ZNF737: variants seen among roughly 807,000 people sequenced by gnomAD.
ZNF737 encodes the protein zinc finger protein 737.
Under a neutral mutation model 11.7 loss-of-function variants are expected in ZNF737, and 13 were observed. That is an observed-to-expected ratio of 1.11 (90% CI 0.73 to 1.77). The LOEUF is 1.77. Ranked by LOEUF, ZNF737 falls within the 40% of genes most tolerant of loss-of-function variation. ZNF737 has a pLI of 0.00. For missense variants in ZNF737, 636 were observed against 638.0 expected (o/e 1.00, Z 0.03); for synonymous variants, 217 against 216.2 (o/e 1.00, Z -0.03).
rs59511067 is a variant in ZNF737, at chr19:20,563,486, CTTTT to C, written c.3+2148_3+2151del. On this transcript the variant is annotated intron_variant, in intron 1 of 3. Transcript: ENST00000427401. Reference sequence around the variant, plus strand: ...TGTTTACATAAGAAGGAAGTGCTTACTTTTTTTTTTTTTTTTTTTGAGACGGAGT... The same window carrying C: ...TGTTTACATAAGAAGGAAGTGCTTACTTTTTTTTTTTTTTTGAGACGGAGT... 1.6e-3 allele frequency among the ~76,000 whole-genome samples: 195 copies of C among 123,660 alleles called. 2 individuals are homozygous for C. In the East Asian group the frequency reaches 0.018, roughly 11 times the overall value. 81.1% of individuals were successfully genotyped at this position (123,660 alleles called of 152,430 possible). A position where few individuals can be genotyped will look rare whatever the true frequency, so the allele number is the denominator to read the frequency against.
rs1193654469 is a variant in ZNF737 at position 20,545,313 on chromosome 19, G to C, written c.890C>G (p.Ser297Cys). 21 of 1,611,720 alleles carry C rather than the reference G, an allele frequency of 1.3e-5. No homozygotes were observed. Among genetic ancestry groups the C allele is most frequent in the Non-Finnish European group, 1.8e-5 (21 of 1,179,300 alleles). Residue 297 changes from serine to cysteine, a missense_variant, in exon 4 of 4, where the codon TCC (serine) becomes TGC (cysteine). Transcript: ENST00000427401. ...TATCTTATGCGCAGTAAGGATAGAG[G>C]AGCGCTTAAAGGCCTTGCCACATTC... ...CEECGKAFKR[S>C]SILTAHKIIH... is the part of the protein sequence containing the mutation.
At position 20,543,622 on chromosome 19, in the gene ZNF737, G is replaced by A. The variant is rs529149655; in HGVS notation, c.*970C>T. ...AAGTTTTGCCACATTCTTCACACTTGTAGGAGTTTTGCCAGTATGAATTAT... is the reference window on the plus strand; with the variant it reads ...AAGTTTTGCCACATTCTTCACACTTATAGGAGTTTTGCCAGTATGAATTAT... On this transcript the variant is annotated 3_prime_UTR_variant, in exon 4 of 4. Coordinates refer to ENST00000427401, the MANE Select transcript of ZNF737 (RefSeq NM_001159293.2). 2.0e-6 allele frequency: 2 copies of A among 985,396 alleles called. No homozygotes were observed. Among genetic ancestry groups the A allele is most frequent in the Non-Finnish European group, 2.4e-6 (2 of 829,950 alleles). The allele number at this position is 985,396 out of a possible 1,614,324, so 61.0% of individuals were successfully genotyped here.
chr19:20,540,051 T>G lies in ZNF737; in HGVS notation c.*4541A>C, dbSNP rs1258683571. The G allele has an allele frequency of 2.9e-5, 29 of 985,262 alleles. No homozygotes were observed. The highest frequency in any genetic ancestry group is 1.4e-4 in the African/African-American group (8 of 57,220). The allele number at this position is 985,262 out of a possible 1,614,324, so 61.0% of individuals were successfully genotyped here. ...GTGATTATTTCTTGAATGAATGAGA[T>G]TCCCTTTTTTTTCCCTCTGCCATAG... On this transcript the variant is annotated 3_prime_UTR_variant, in exon 4 of 4. Transcript: ENST00000427401.
chr19:20,555,440 C>A (rs1394797710), intron 1 of ZNF737, among the ~76,000 whole-genome samples: 8 of 152,218 alleles, frequency 5.3e-5, no homozygotes, highest in Admixed American at 2.0e-4. Flanking sequence ...CTTCAGCCTC[C>A]CAAAGTGCTG....
rs1968104244 is a variant in ZNF737 at position 20,539,285 on chromosome 19, TTCTAAA to T, written c.*5301_*5306del. 47 of 949,726 alleles carry T rather than the reference TTCTAAA, an allele frequency of 4.9e-5. No homozygotes were observed. The South Asian group carries it at 2.1e-3, about 42-fold the overall frequency. 58.8% of individuals were successfully genotyped at this position (949,726 alleles called of 1,614,324 possible). A position where few individuals can be genotyped will look rare whatever the true frequency, so the allele number is the denominator to read the frequency against. On this transcript the variant is annotated 3_prime_UTR_variant, in exon 4 of 4. Coordinates refer to ENST00000427401, the MANE Select transcript of ZNF737 (RefSeq NM_001159293.2). ...AGCGTGAGTGACAGAGTGAGAATCCTTCTAAAAAAAAAAAAAAGAAATTCTTTCTTC... is the reference window on the plus strand; with the variant it reads ...AGCGTGAGTGACAGAGTGAGAATCCTAAAAAAAAAAAGAAATTCTTTCTTC...
downstream of ZNF737, among the ~76,000 whole-genome samples, chr19:20,535,411 G>T (rs1967933527): frequency 6.6e-6 from 1 of 151,912 alleles, no homozygotes; most frequent in African/African-American, 2.4e-5. Flanking sequence ...TATACACAAT[G>T]AAATGCTATT....
At chr19:20,536,890 C>T (rs1967987716), downstream of ZNF737, among the ~76,000 whole-genome samples, 1 of 152,116 alleles carries the variant, frequency 6.6e-6, no homozygotes, top group Admixed American at 6.6e-5. Flanking sequence ...TTGCAGTGAG[C>T]CAGGATCATG....
In ZNF737 at chr19:20,544,409, G is replaced by C. The variant is rs1968342130; in HGVS notation, c.*183C>G. ...GGGCAGAGGTGTCCTTAAAGGCTTT[G>C]CTGCATTTTCTTATTTGTTGGGTTT... On this transcript the variant is annotated 3_prime_UTR_variant, in exon 4 of 4. Transcript: ENST00000427401. 1.4e-6 allele frequency: 2 copies of C among 1,443,386 alleles called. No homozygotes were observed. Among genetic ancestry groups the C allele is most frequent in the Non-Finnish European group, 1.8e-6 (2 of 1,105,530 alleles). 89.4% of individuals were successfully genotyped at this position (1,443,386 alleles called of 1,614,324 possible).
chr19:20,544,644 C>T lies in ZNF737; in HGVS notation c.1559G>A (p.Cys520Tyr), dbSNP rs1172955685. 3 of 1,609,390 alleles carry T rather than the reference C, an allele frequency of 1.9e-6. No homozygotes were observed. Among genetic ancestry groups the T allele is most frequent in the Admixed American group, 1.7e-5 (1 of 59,116 alleles). Residue 520 changes from cysteine to tyrosine, a missense_variant, in exon 4 of 4, where the codon TGC (cysteine) becomes TAC (tyrosine). Transcript: ENST00000427401. ...CTTATGTGTAGTAAGGGTAGAGGGG[C>T]ACTTAAAGCCTTTGCCACATTCTTC... ...KCEECGKGFK[C>Y]PSTLTTHKVI... is the part of the protein sequence containing the mutation.
chr19:20,530,633 C>T, the ZNF737 span, among the ~76,000 whole-genome samples: 3 of 144,846 alleles, frequency 2.1e-5, no homozygotes, highest in South Asian at 2.3e-4. Flanking sequence ...CCAGACGGGG[C>T]GGCGGGGCAG....
rs1283415870 is a variant in ZNF737, at chr19:20,543,067, CTTAG to C, written c.*1521_*1524del. ...AGTGTAATGTCTGAAGTGTCGGGGC[CTTAG>C]TTATTCTACTGTAAACTCTCTTGAT... is the stretch of plus-strand genomic sequence containing the variant. On this transcript the variant is annotated 3_prime_UTR_variant, in exon 4 of 4. Coordinates refer to ENST00000427401, the MANE Select transcript of ZNF737 (RefSeq NM_001159293.2). 4.5e-5 allele frequency: 44 copies of C among 983,254 alleles called. No individual in the cohort carries two copies. Among genetic ancestry groups the C allele is most frequent in the African/African-American group, 1.4e-4 (8 of 57,134 alleles). 60.9% of individuals were successfully genotyped at this position (983,254 alleles called of 1,614,324 possible). A position where few individuals can be genotyped will look rare whatever the true frequency, so the allele number is the denominator to read the frequency against.
intron 1 of ZNF737, among the ~76,000 whole-genome samples, chr19:20,562,618 A>T (rs542846223): frequency 6.6e-6 from 1 of 151,724 alleles, no homozygotes; most frequent in Admixed American, 6.6e-5. Context: ...TCAGCCTCCC[A>T]ATAATTTTTG....
At chr19:20,560,172 CAAAAA>C (rs71172600) in intron 1 of ZNF737, among the ~76,000 whole-genome samples, 6 of 70,734 alleles carry the variant, frequency 8.5e-5, no homozygotes, top group Admixed American at 3.8e-4. Context: ...GACTCCGTCT[CAAAAA>C]AAAAAAAAAA....
At chr19:20,564,767 T>C (rs1423418655) in intron 1 of ZNF737, among the ~76,000 whole-genome samples, 4 of 151,934 alleles carry the variant, frequency 2.6e-5, no homozygotes, top group Non-Finnish European at 5.9e-5. Flanking sequence ...GTGAAAATAA[T>C]TAAGTGGCAG....
chr19:20,563,958 G>A (rs1417913031), intron 1 of ZNF737: 1 of 152,112 alleles, frequency 6.6e-6, no homozygotes, highest in Non-Finnish European at 1.5e-5. Flanking sequence ...GATGTCAGAA[G>A]ATCACGACCA....
chr19:20,565,144 A>AG (rs1471575385), intron 1 of ZNF737, among the ~76,000 whole-genome samples: 1 of 152,142 alleles, frequency 6.6e-6, no homozygotes, highest in African/African-American at 2.4e-5. Flanking sequence ...CATTTGGGCC[A>AG]GGCTTATCTT....
At position 20,542,514 on chromosome 19, in the gene ZNF737, G is replaced by A. The variant is rs1045627250; in HGVS notation, c.*2078C>T. 1 of 974,886 alleles carries A rather than the reference G, an allele frequency of 1.0e-6. No homozygotes were observed. Among genetic ancestry groups the A allele is most frequent in the South Asian group, 4.8e-5 (1 of 21,052 alleles). 60.4% of individuals were successfully genotyped at this position (974,886 alleles called of 1,614,324 possible). A position where few individuals can be genotyped will look rare whatever the true frequency, so the allele number is the denominator to read the frequency against. On this transcript the variant is annotated 3_prime_UTR_variant, in exon 4 of 4. Coordinates refer to ENST00000427401, the MANE Select transcript of ZNF737 (RefSeq NM_001159293.2). ...CCCAAAGTGCTGAAATTACAGGCATGAGCCATCAAGCCCGGCCCTAACAGT... is the reference window on the plus strand; with the variant it reads ...CCCAAAGTGCTGAAATTACAGGCATAAGCCATCAAGCCCGGCCCTAACAGT...
rs1555755945 is a variant in ZNF737 at position 20,544,679 on chromosome 19, G to T, written c.1524C>A (p.Pro508=). 6.2e-7 allele frequency: 1 copy of T among 1,606,668 alleles called. No homozygotes were observed. Among genetic ancestry groups the T allele is most frequent in the South Asian group, 1.1e-5 (1 of 90,276 alleles). Residue 508 remains proline, a synonymous_variant, in exon 4 of 4, where the codon CCC becomes CCA. Transcript: ENST00000427401. ...CTTTGCCACATTCTTCACATTTGTA[G>T]GGTTTCTCTCCAGTATGAATTCTCT... ...RHKRIHTGEK[P]YKCEECGKGF... is the part of the protein sequence containing the mutation.
At chr19:20,558,423 A>G (rs919795988) in intron 1 of ZNF737, among the ~76,000 whole-genome samples, 1 of 152,204 alleles carries the variant, frequency 6.6e-6, no homozygotes, top group Non-Finnish European at 1.5e-5. Context: ...TGCACCAACC[A>G]TATGATGCAC....
Sources: gnomAD v4.1 joint callset for allele counts (sites outside exome capture counted in the v4.1 genomes callset) on GRCh38, gnomAD v4.1.1 for gene constraint, MANE v1.5 for transcripts, NCBI Gene and HGNC (gene_info 2026-07-23, HGNC 2026-07-21) for gene names.